Variants in FMNL2 observed in about 807,000 individuals in gnomAD.
FMNL2 encodes the protein formin-like protein 2.
Under a neutral mutation model 130.2 loss-of-function variants are expected in FMNL2, and 51 were observed. The observed-to-expected ratio is 0.39, with a 90% CI of 0.31 to 0.49. The LOEUF (loss-of-function observed/expected upper bound fraction) is 0.49. Ranked by LOEUF, FMNL2 falls within the 20% of genes least tolerant of loss-of-function variation. The pLI is 0.85. For synonymous variants in FMNL2, 465 were observed against 467.1 expected, an observed-to-expected ratio of 1.00 and a Z score of 0.06; for missense variants, 977 against 1,316.2, an observed-to-expected ratio of 0.74 and a Z score of 3.99.
intron 1 of FMNL2, among the ~76,000 whole-genome samples, chr2:152,517,683 T>C (rs971713523): frequency 1.3e-5 from 2 of 152,218 alleles, no homozygotes; most frequent in Non-Finnish European, 2.9e-5. Flanking sequence ...TAATTTATTT[T>C]AGCTAGGAAC....
At chr2:152,423,386 G>C (rs1382529481) in intron 1 of FMNL2, among the ~76,000 whole-genome samples, 1 of 152,210 alleles carries the variant, frequency 6.6e-6, no homozygotes, top group African/African-American at 2.4e-5. Flanking sequence ...CAGTGTCACA[G>C]AGCTGGTAAT....
intron 1 of FMNL2, among the ~76,000 whole-genome samples, chr2:152,497,135 TTCATTC>T (rs1219487611): frequency 6.6e-6 from 1 of 152,160 alleles, no homozygotes; most frequent in Non-Finnish European, 1.5e-5. Flanking sequence ...AACCTTAGGG[TTCATTC>T]TCACTTTCCC....
chr2:152,558,429 T>C (rs1310041137), intron 4 of FMNL2, among the ~76,000 whole-genome samples: 3 of 152,204 alleles, frequency 2.0e-5, no homozygotes, highest in African/African-American at 2.4e-5. Context: ...GTGGAAAAAG[T>C]ACATTAAGCA....
intron 1 of FMNL2, among the ~76,000 whole-genome samples, chr2:152,454,143 G>A (rs552520277): frequency 2.6e-5 from 4 of 152,228 alleles, no homozygotes; most frequent in South Asian, 4.2e-4. Context: ...TGGGCATGGT[G>A]GCAGATGCCT....
intron 24 of FMNL2, 30 bp downstream of exon 24, chr2:152,640,086 C>A: frequency 6.6e-7 from 1 of 1,516,894 alleles, no homozygotes; most frequent in South Asian, 1.3e-5. Context: ...TGAGACAGGT[C>A]CGTGAGGAGA....
At chr2:152,549,980 G>C (rs981743292) in intron 4 of FMNL2, among the ~76,000 whole-genome samples, 14 of 152,104 alleles carry the variant, frequency 9.2e-5, no homozygotes, top group African/African-American at 3.4e-4. Context: ...AATTAATTTT[G>C]ATGTATATAT....
In FMNL2 at chr2:152,629,466, G is replaced by C. The variant is rs933941058; in HGVS notation, c.2401-190G>C. ...AACAGTTTCAGTAAAGATCGTGCAT[G>C]TAACAATATTACCTGAGACCTAGCA... On this transcript the variant is annotated intron_variant, in intron 18 of 25. Coordinates refer to ENST00000288670, the MANE Select transcript of FMNL2 (RefSeq NM_052905.4). 1.6e-4 allele frequency among the ~76,000 whole-genome samples: 25 copies of C among 152,282 alleles called. 1 individual carries two copies. The highest frequency in any genetic ancestry group is 6.8e-3 in the Middle Eastern group (2 of 294).
chr2:152,368,329 T>A (rs1196982891), intron 1 of FMNL2, among the ~76,000 whole-genome samples: 1 of 152,168 alleles, frequency 6.6e-6, no homozygotes, highest in Non-Finnish European at 1.5e-5. Flanking sequence ...CTAGATAAGT[T>A]TTTAAAAAAC....
intron 1 of FMNL2, among the ~76,000 whole-genome samples, chr2:152,414,095 C>T (rs1686468839): frequency 1.3e-5 from 2 of 152,164 alleles, no homozygotes; most frequent in South Asian, 4.2e-4. Flanking sequence ...ATTTGATCTA[C>T]CTGTTTTATG....
intron 1 of FMNL2, among the ~76,000 whole-genome samples, chr2:152,358,638 A>G (rs1028430915): frequency 4.7e-5 from 7 of 148,286 alleles, no homozygotes; most frequent in Admixed American, 4.7e-4. Context: ...CTGCATCTCA[A>G]AAAAAAAAAA....
chr2:152,611,913 C>T (rs1698704498), intron 11 of FMNL2, among the ~76,000 whole-genome samples: 1 of 152,182 alleles, frequency 6.6e-6, no homozygotes, highest in South Asian at 2.1e-4. Context: ...CTCATTGCAT[C>T]CTTCATCTGG....
At chr2:152,417,228 T>G (rs1392773345) in intron 1 of FMNL2, among the ~76,000 whole-genome samples, 1 of 152,228 alleles carries the variant, frequency 6.6e-6, no homozygotes, top group Non-Finnish European at 1.5e-5. Context: ...GATCTGTGAA[T>G]GGATGCCCTT....
intron 1 of FMNL2, among the ~76,000 whole-genome samples, chr2:152,364,865 T>C (rs1432729892): frequency 6.6e-6 from 1 of 152,260 alleles, no homozygotes; most frequent in Non-Finnish European, 1.5e-5. Flanking sequence ...GGTCCTGTCC[T>C]TCTGTCTAGA....
intron 1 of FMNL2, among the ~76,000 whole-genome samples, chr2:152,356,620 T>C (rs889490508): frequency 1.3e-5 from 2 of 152,246 alleles, no homozygotes; most frequent in African/African-American, 4.8e-5. Flanking sequence ...TGTCACCAGA[T>C]GTGCAGATTC....
chr2:152,381,331 G>T (rs1579526745), intron 1 of FMNL2, among the ~76,000 whole-genome samples: 1 of 152,224 alleles, frequency 6.6e-6, no homozygotes, highest in African/African-American at 2.4e-5. Context: ...GGTGTCCAGG[G>T]TTTCCCTGAA....
chr2:152,424,956 A>G (rs575646358), intron 1 of FMNL2, among the ~76,000 whole-genome samples: 2 of 152,322 alleles, frequency 1.3e-5, no homozygotes, highest in East Asian at 3.9e-4. Context: ...GCATTGATAC[A>G]AGGGCGCTGA....
chr2:152,576,416 G>A (rs2105698069), intron 7 of FMNL2, among the ~76,000 whole-genome samples: 1 of 152,168 alleles, frequency 6.6e-6, no homozygotes, highest in Non-Finnish European at 1.5e-5. Flanking sequence ...TGAAATGAAA[G>A]CTAATGCTTA....
intron 6 of FMNL2, among the ~76,000 whole-genome samples, chr2:152,567,933 C>G (rs1249767895): frequency 6.6e-6 from 1 of 152,168 alleles, no homozygotes; most frequent in Admixed American, 6.5e-5. Context: ...TATTATGAAT[C>G]TCACAAATGT....
In FMNL2 at chr2:152,580,978, C is replaced by T. The variant is rs1380614294; in HGVS notation, c.805C>T (p.Leu269=). ...CAGAACAAAAGCCCTTGTCTTAGAA[C>T]TGTTGGCAGCCGTTTGTCTTGTCAG... ...NPRTKALVLE[L]LAAVCLVRGG... The change falls in exon 9 of 26, where the codon CTG becomes TTG. Residue 269 remains leucine, a synonymous_variant. Transcript: ENST00000288670. 1 of 1,613,734 alleles carries T rather than the reference C, an allele frequency of 6.2e-7. No homozygotes were observed. The highest frequency in any genetic ancestry group is 8.5e-7 in the Non-Finnish European group (1 of 1,179,830).
Sources: gnomAD v4.1 joint callset for allele counts (sites outside exome capture counted in the v4.1 genomes callset) on GRCh38, gnomAD v4.1.1 for gene constraint, MANE v1.5 for transcripts, NCBI Gene and HGNC (gene_info 2026-07-23, HGNC 2026-07-21) for gene names.